The following WWTR1 variants were observed in gnomAD, a reference collection of about 807,000 sequenced individuals.
WWTR1 encodes the protein WW domain-containing transcription regulator protein 1.
Under a neutral mutation model 40.1 loss-of-function variants are expected in WWTR1, and 13 were observed. The ratio of observed to expected loss-of-function variants is 0.32; its 90% confidence interval spans 0.21 to 0.52. The LOEUF is 0.52. Among genes scored for constraint, WWTR1 ranks in the 20% least tolerant of loss-of-function variants. The pLI is 0.97. For synonymous variants in WWTR1, 230 were observed against 210.1 expected, an observed-to-expected ratio of 1.09 and a Z score of -0.82; for missense variants, 436 against 523.1, an observed-to-expected ratio of 0.83 and a Z score of 1.63.
chr3:149,649,507 CA>C (rs1357937233), intron 2 of WWTR1, among the ~76,000 whole-genome samples: 1 of 152,248 alleles, frequency 6.6e-6, no homozygotes, highest in Non-Finnish European at 1.5e-5. Flanking sequence ...TAGCACTGAG[CA>C]AGTGAACATC....
At chr3:149,538,306 A>G (rs1157762475) in intron 4 of WWTR1, among the ~76,000 whole-genome samples, 1 of 152,256 alleles carries the variant, frequency 6.6e-6, no homozygotes, top group Non-Finnish European at 1.5e-5. Flanking sequence ...CAAAACTTCA[A>G]TAAGAATTGC....
chr3:149,651,986 C>T (rs912903159), intron 2 of WWTR1, among the ~76,000 whole-genome samples: 17 of 128,806 alleles, frequency 1.3e-4, no homozygotes, highest in Non-Finnish European at 2.1e-4. Context: ...CTGCCACGCC[C>T]GGCTAATTTT....
chr3:149,611,404 T>C lies in WWTR1; in HGVS notation c.432-38404A>G, dbSNP rs1739736416. Among the ~76,000 whole-genome samples the C allele has an allele frequency of 2.0e-5, 3 of 152,294 alleles. No individual in the cohort carries two copies. In the South Asian group the frequency reaches 6.2e-4, roughly 32 times the overall value. ...GTCTACAGATGCTTTCACATTACAA[T>C]GGCACAGTTGAGTGGAAGCAACAGA... On this transcript the variant is annotated intron_variant, in intron 2 of 6. Transcript: ENST00000360632.
At chr3:149,535,823 G>A (rs1735803937) in intron 4 of WWTR1, among the ~76,000 whole-genome samples, 1 of 152,044 alleles carries the variant, frequency 6.6e-6, no homozygotes, top group Non-Finnish European at 1.5e-5. Context: ...GACCAGCCTG[G>A]CCAACATGGC....
chr3:149,592,052 A>G (rs1738750748), intron 2 of WWTR1, among the ~76,000 whole-genome samples: 1 of 152,200 alleles, frequency 6.6e-6, no homozygotes, highest in Non-Finnish European at 1.5e-5. Flanking sequence ...AGACACAGCT[A>G]TGGGGCAAGG....
At chr3:149,697,640 A>G (rs1715037999) in intron 1 of WWTR1, among the ~76,000 whole-genome samples, 1 of 152,080 alleles carries the variant, frequency 6.6e-6, no homozygotes, top group African/African-American at 2.4e-5. Context: ...GCACCCCCAA[A>G]TCTCATGTCC....
In WWTR1 at chr3:149,656,941, G is replaced by T; in HGVS notation, c.366C>A (p.Asp122Glu). 1 of 1,575,890 alleles carries T rather than the reference G, an allele frequency of 6.3e-7. No individual in the cohort carries two copies. The change falls in exon 2 of 7, where the codon GAC becomes GAA. Residue 122 changes from aspartate (D) to glutamate (E), a missense_variant. Transcript: ENST00000360632. ...HLRQQSYDVT[D>E]ELPLPPGWEM... ...CCCAGCCCGGGGGCAGTGGCAGCTC[G>T]TCGGTCACGTCGTAGGACTGCTGGC... is the stretch of plus-strand genomic sequence containing the variant.
At position 149,520,709 on chromosome 3, in the gene WWTR1, A is replaced by G. The variant is rs1375465151; in HGVS notation, c.*96T>C. 8.6e-7 allele frequency: 1 copy of G among 1,159,978 alleles called. No homozygotes were observed. The highest frequency in any genetic ancestry group is 1.2e-6 in the Non-Finnish European group (1 of 865,778). The allele number at this position is 1,159,978 out of a possible 1,614,324, so 71.9% of individuals were successfully genotyped here. A position where few individuals can be genotyped will look rare whatever the true frequency, so the allele number is the denominator to read the frequency against. ...GGGAGCACGAGTCATGGAGGCGGGA[A>G]GTGGTGCACCTGCAGACTTGCTCTG... On this transcript the variant is annotated 3_prime_UTR_variant, in exon 7 of 7. Coordinates refer to ENST00000360632, the MANE Select transcript of WWTR1 (RefSeq NM_015472.6).
intron 5 of WWTR1, among the ~76,000 whole-genome samples, chr3:149,526,901 G>A (rs1159665467): frequency 6.6e-6 from 1 of 152,082 alleles, no homozygotes; most frequent in East Asian, 1.9e-4. Context: ...AGATATTTCT[G>A]GCTAAATTCT....
chr3:149,657,460 C>T, intron 1 of WWTR1, 151 bp from the exon 2 acceptor site: 1 of 920,698 alleles, frequency 1.1e-6, no homozygotes, highest in East Asian at 2.7e-5. Context: ...ATCCCAGACA[C>T]TCAGCGGTAA....
chr3:149,563,924 TTG>T (rs1224087797), intron 3 of WWTR1, among the ~76,000 whole-genome samples: 5 of 152,234 alleles, frequency 3.3e-5, no homozygotes, highest in African/African-American at 1.2e-4. Context: ...GCTAATTTTT[TTG>T]TGTTTTTGGT....
chr3:149,615,264 A>G (rs1576598459), intron 2 of WWTR1, among the ~76,000 whole-genome samples: 1 of 152,232 alleles, frequency 6.6e-6, no homozygotes, highest in African/African-American at 2.4e-5. Context: ...CACTGGTTTC[A>G]ACCATTTTTT....
chr3:149,591,039 A>G (rs2108030110), intron 2 of WWTR1, among the ~76,000 whole-genome samples: 1 of 151,262 alleles, frequency 6.6e-6, no homozygotes, highest in East Asian at 1.9e-4. Flanking sequence ...AATTAGGCAT[A>G]TCCTGTCAAG....
At chr3:149,704,314 G>A (rs930815562), upstream of WWTR1, among the ~76,000 whole-genome samples, 11 of 152,088 alleles carry the variant, frequency 7.2e-5, no homozygotes, top group East Asian at 7.7e-4. Flanking sequence ...TGCATATCAC[G>A]TAACAAACTA....
chr3:149,608,984 G>A (rs1404911813), intron 2 of WWTR1, among the ~76,000 whole-genome samples: 1 of 152,186 alleles, frequency 6.6e-6, no homozygotes, highest in East Asian at 1.9e-4. Flanking sequence ...TGGGAAGATT[G>A]CTGGAGCCTT....
At chr3:149,548,995 G>A (rs1371323861) in intron 3 of WWTR1, among the ~76,000 whole-genome samples, 1 of 152,110 alleles carries the variant, frequency 6.6e-6, no homozygotes, top group Non-Finnish European at 1.5e-5. Context: ...GTAGACTGTG[G>A]TTCATTAGTT....
At chr3:149,687,697 A>G (rs1229373036) in intron 1 of WWTR1, among the ~76,000 whole-genome samples, 1 of 152,226 alleles carries the variant, frequency 6.6e-6, no homozygotes, top group Non-Finnish European at 1.5e-5. Flanking sequence ...CATGGGAAAG[A>G]CAGCTTCCGC....
intron 2 of WWTR1, among the ~76,000 whole-genome samples, chr3:149,585,248 T>A (rs13088483): frequency 0.093 from 14,188 of 152,090 alleles, 859 homozygotes; most frequent in Non-Finnish European, 0.13. Flanking sequence ...TTCTTTTGCC[T>A]CAGTCTCCTG....
chr3:149,598,679 A>C (rs896413186), intron 2 of WWTR1, among the ~76,000 whole-genome samples: 4 of 152,154 alleles, frequency 2.6e-5, no homozygotes, highest in Non-Finnish European at 4.4e-5. Context: ...ACATCATAAC[A>C]ATATTCAAAT....
Sources: gnomAD v4.1 joint callset for allele counts (sites outside exome capture counted in the v4.1 genomes callset) on GRCh38, gnomAD v4.1.1 for gene constraint, MANE v1.5 for transcripts, NCBI Gene and HGNC (gene_info 2026-07-23, HGNC 2026-07-21) for gene names.